RERE: variants seen among roughly 807,000 people sequenced by gnomAD.
RERE encodes the protein arginine-glutamic acid dipeptide repeats.
A neutral mutation model predicts 146.1 loss-of-function variants in RERE; 40 were observed. That is an observed-to-expected ratio of 0.27 (90% CI 0.21 to 0.36). RERE has a LOEUF of 0.36. RERE is among the 10% of genes least tolerant of loss of function. The pLI is 1.00. For missense variants in RERE, 1,933 were observed against 2,138.7 expected (o/e 0.90, Z 1.90); for synonymous variants, 1,003 against 866.0 (o/e 1.16, Z -2.78).
intron 1 of RERE, among the ~76,000 whole-genome samples, chr1:8,787,434 T>C (rs1641278450): frequency 6.6e-6 from 1 of 152,214 alleles, no homozygotes; most frequent in African/African-American, 2.4e-5. Context: ...AAGCATTTAT[T>C]TCCCTATAAA....
chr1:8,534,084 A>C (rs561965893), intron 7 of RERE, among the ~76,000 whole-genome samples: 1 of 152,354 alleles, frequency 6.6e-6, no homozygotes, highest in South Asian at 2.1e-4. Flanking sequence ...CTCATCTTCA[A>C]AAGCTACACA....
chr1:8,593,713 G>A (rs1013337995), intron 4 of RERE, among the ~76,000 whole-genome samples: 3 of 152,162 alleles, frequency 2.0e-5, no homozygotes, highest in Non-Finnish European at 1.5e-5. Context: ...AATGTTAAAC[G>A]GCTAGAAAAG....
At position 8,356,536 on chromosome 1, in the gene RERE, C is replaced by T. The variant is rs1286108401; in HGVS notation, c.4340-290G>A. Among the ~76,000 whole-genome samples, 8 of 152,176 alleles carry T rather than the reference C, an allele frequency of 5.3e-5. No individual in the cohort carries two copies. The highest frequency in any genetic ancestry group is 7.3e-5 in the Non-Finnish European group (5 of 68,038). On this transcript the variant is annotated intron_variant, in intron 20 of 22. Coordinates refer to ENST00000400908, the MANE Select transcript of RERE (RefSeq NM_001042681.2). The surrounding 1 kb of genome is among the most constrained non-coding windows in gnomAD (Gnocchi z 5.2). ...TCCCAGGCCAGTTTTGTCGAGGACC[C>T]GGGATCAGCAGGGTCCCTCTCGCCG...
At chr1:8,568,525 A>G (rs528745870) in intron 4 of RERE, among the ~76,000 whole-genome samples, 1 of 152,324 alleles carries the variant, frequency 6.6e-6, no homozygotes, top group South Asian at 2.1e-4. Context: ...TGATGCATTC[A>G]TGGGTTAACG....
intron 12 of RERE, among the ~76,000 whole-genome samples, chr1:8,408,662 G>T (rs150315192): frequency 1.6e-4 from 24 of 152,246 alleles, no homozygotes; most frequent in Admixed American, 3.3e-4. Context: ...TGCCTACTTG[G>T]AACAGGCTTT....
intron 11 of RERE, among the ~76,000 whole-genome samples, chr1:8,437,571 A>T (rs1023744779): frequency 6.6e-6 from 1 of 152,016 alleles, no homozygotes; most frequent in Non-Finnish European, 1.5e-5. Flanking sequence ...AATGGGCCCC[A>T]CCACAAGGCT....
chr1:8,666,500 T>C (rs1038699069), intron 1 of RERE, among the ~76,000 whole-genome samples: 1 of 152,224 alleles, frequency 6.6e-6, no homozygotes, highest in South Asian at 2.1e-4. Flanking sequence ...GCTGGGCGAC[T>C]TGCTTCCAAA....
intron 1 of RERE, among the ~76,000 whole-genome samples, chr1:8,784,384 C>T (rs1289423763): frequency 6.6e-6 from 1 of 152,168 alleles, no homozygotes; most frequent in African/African-American, 2.4e-5. Flanking sequence ...TAATATACTA[C>T]ATAACATTCT....
chr1:8,560,808 T>C (rs145074574), intron 4 of RERE, among the ~76,000 whole-genome samples: 1 of 152,312 alleles, frequency 6.6e-6, no homozygotes, highest in African/African-American at 2.4e-5. Context: ...CAAGGGATGA[T>C]AGTGATCTCT....
rs1164111452 is a variant in RERE, at chr1:8,501,027, CGGGA to C, written c.880-3502_880-3499del. On this transcript the variant is annotated intron_variant, in intron 8 of 22. Coordinates refer to ENST00000400908, the MANE Select transcript of RERE (RefSeq NM_001042681.2). ...GTCTCCGCCCGGCAGCCACCCCGTCCGGGAGGGGGGGGGGGGGTCAGCCCCCCGC... is the reference window on the plus strand; with the variant it reads ...GTCTCCGCCCGGCAGCCACCCCGTCCGGGGGGGGGGGGGTCAGCCCCCCGC... Among the ~76,000 whole-genome samples, 219 of 38,274 alleles carry C rather than the reference CGGGA, an allele frequency of 5.7e-3. 23 individuals carry two copies. The highest frequency in any genetic ancestry group is 0.011 in the Non-Finnish European group (173 of 16,430). 25.1% of individuals were successfully genotyped at this position (38,274 alleles called of 152,430 possible).
At chr1:8,420,134 C>T (rs11801821) in intron 12 of RERE, among the ~76,000 whole-genome samples, 3,689 of 152,186 alleles carry the variant, frequency 0.024, 135 homozygotes, top group African/African-American at 0.083. Context: ...AAGTCACTTG[C>T]GAATAACAAA....
intron 8 of RERE, among the ~76,000 whole-genome samples, chr1:8,499,106 C>T (rs1013034357): frequency 2.0e-5 from 3 of 151,976 alleles, no homozygotes; most frequent in African/African-American, 4.8e-5. Flanking sequence ...ACCACCATAA[C>T]CAGCAGAGAC....
intron 1 of RERE, among the ~76,000 whole-genome samples, chr1:8,683,031 CAAAAAAAAAAAA>C (rs71580039): frequency 3.3e-4 from 22 of 65,730 alleles, no homozygotes; most frequent in African/African-American, 1.1e-3. Flanking sequence ...CTGTCTTTAC[CAAAAAAAAAAAA>C]AAAAAAAAAA....
chr1:8,712,074 T>C (rs866325468), intron 1 of RERE, among the ~76,000 whole-genome samples: 6 of 152,306 alleles, frequency 3.9e-5, no homozygotes, highest in Middle Eastern at 6.8e-3. Context: ...AGCCAATAAC[T>C]GCTCTCTAGA....
chr1:8,753,127 TATA>T (rs1279507705), intron 1 of RERE, among the ~76,000 whole-genome samples: 1 of 152,156 alleles, frequency 6.6e-6, no homozygotes, highest in Non-Finnish European at 1.5e-5. Context: ...CTCTCTCCAG[TATA>T]ATCTTCCTCT....
At chr1:8,479,168 T>G (rs555394107) in intron 10 of RERE, among the ~76,000 whole-genome samples, 1 of 152,158 alleles carries the variant, frequency 6.6e-6, no homozygotes, top group South Asian at 2.1e-4. Flanking sequence ...GAGGACTTCT[T>G]GAGGCCAAGA....
chr1:8,707,345 T>C (rs555004446), intron 1 of RERE, among the ~76,000 whole-genome samples: 1 of 152,148 alleles, frequency 6.6e-6, no homozygotes, highest in South Asian at 2.1e-4. Flanking sequence ...ACAGGGGAAA[T>C]GTGAAGGGGA....
At position 8,423,805 on chromosome 1, in the gene RERE, G is replaced by C. The variant is rs1643958286; in HGVS notation, c.1204-998C>G. 4.9e-6 allele frequency: 3 copies of C among 614,812 alleles called. No individual in the cohort carries two copies. The highest frequency in any genetic ancestry group is 1.3e-4 in the Admixed American group (2 of 15,326). 38.1% of individuals were successfully genotyped at this position (614,812 alleles called of 1,614,324 possible). ...GGCAGGAGCGCGGCGCGCAGAGCCC[G>C]GCGCGGCCGCGGGCGGCTGCAAAAG... On this transcript the variant is annotated intron_variant, in intron 11 of 22. Coordinates refer to ENST00000400908, the MANE Select transcript of RERE (RefSeq NM_001042681.2). The surrounding 1 kb of genome is among the most constrained non-coding windows in gnomAD (Gnocchi z 5.4).
chr1:8,712,313 G>A (rs1445872476), intron 1 of RERE, among the ~76,000 whole-genome samples: 1 of 152,214 alleles, frequency 6.6e-6, no homozygotes, highest in Non-Finnish European at 1.5e-5. Context: ...TACTTGGGCT[G>A]CAGGAAACAA....
Sources: allele counts gnomAD v4.1 joint callset (sites outside exome capture counted in the v4.1 genomes callset), GRCh38; gene constraint gnomAD v4.1.1; non-coding constraint Gnocchi (gnomAD v3.1); transcripts MANE v1.5; gene names NCBI Gene and HGNC (gene_info 2026-07-23, HGNC 2026-07-21).